The following FGGY variants were observed in gnomAD, a reference collection of about 807,000 sequenced individuals.
FGGY encodes the protein FGGY carbohydrate kinase domain containing.
Under a neutral mutation model 71.3 loss-of-function variants are expected in FGGY, and 72 were observed. The observed-to-expected ratio is 1.01, with a 90% CI of 0.84 to 1.23. The LOEUF is 1.23. Among genes scored for constraint, FGGY ranks in the 50% most tolerant of loss-of-function variants. FGGY has a pLI of 0.00. For missense variants in FGGY, 668 were observed against 682.3 expected, an observed-to-expected ratio of 0.98 and a Z score of 0.23; for synonymous variants, 251 against 250.3, an observed-to-expected ratio of 1.00 and a Z score of -0.02.
intron 14 of FGGY, among the ~76,000 whole-genome samples, chr1:59,684,725 G>A (rs562641150): frequency 3.5e-4 from 54 of 152,290 alleles, no homozygotes; most frequent in African/African-American, 1.3e-3. Context: ...GCAGAAAGTA[G>A]CCCTCTAAGT....
intron 7 of FGGY, among the ~76,000 whole-genome samples, chr1:59,523,003 C>G (rs1384291452): frequency 2.6e-5 from 4 of 152,202 alleles, no homozygotes; most frequent in Non-Finnish European, 2.9e-5. Context: ...GAAGGTTTCA[C>G]TTATTCTCTC....
intron 5 of FGGY, among the ~76,000 whole-genome samples, chr1:59,424,169 A>G (rs946857514): frequency 2.6e-5 from 4 of 152,262 alleles, no homozygotes; most frequent in Non-Finnish European, 5.9e-5. Context: ...CTTCAGTACC[A>G]TTCTAAATAC....
At chr1:59,504,163 C>G (rs190131647) in intron 6 of FGGY, among the ~76,000 whole-genome samples, 1 of 152,170 alleles carries the variant, frequency 6.6e-6, no homozygotes, top group East Asian at 1.9e-4. Context: ...ATGGATGTTC[C>G]TGGAGGGTGG....
At chr1:59,557,514 G>A (rs1320043063) in intron 8 of FGGY, among the ~76,000 whole-genome samples, 2 of 152,178 alleles carry the variant, frequency 1.3e-5, no homozygotes, top group Non-Finnish European at 2.9e-5. Flanking sequence ...AAAGCCTGAG[G>A]TTGAACATAA....
At chr1:59,740,050 A>G (rs2098135129) in intron 14 of FGGY, among the ~76,000 whole-genome samples, 1 of 152,080 alleles carries the variant, frequency 6.6e-6, no homozygotes, top group African/African-American at 2.4e-5. Context: ...TTTCCCTACA[A>G]TTTTGTGCAT....
intron 7 of FGGY, among the ~76,000 whole-genome samples, chr1:59,515,501 T>C (rs977442154): frequency 3.3e-5 from 5 of 152,022 alleles, no homozygotes; most frequent in Admixed American, 6.6e-5. Flanking sequence ...GGACCTGAGA[T>C]TGGGAGGGGC....
At chr1:59,747,740 C>T (rs1324779113) in intron 14 of FGGY, among the ~76,000 whole-genome samples, 1 of 152,180 alleles carries the variant, frequency 6.6e-6, no homozygotes, top group African/African-American at 2.4e-5. Flanking sequence ...GTGAATCCAC[C>T]TTCCTGCCTT....
chr1:59,321,082 G>A (rs141634986), intron 1 of FGGY, among the ~76,000 whole-genome samples: 10 of 152,306 alleles, frequency 6.6e-5, no homozygotes, highest in African/African-American at 2.2e-4. Flanking sequence ...CAGTGCTTGC[G>A]TGTAAGAGGT....
intron 2 of FGGY, among the ~76,000 whole-genome samples, chr1:59,326,256 G>A (rs2047411388): frequency 6.6e-6 from 1 of 152,152 alleles, no homozygotes; most frequent in Non-Finnish European, 1.5e-5. Flanking sequence ...TGCTTTTAAA[G>A]ATGAAACAGC....
chr1:59,572,957 C>G (rs1032275622), intron 8 of FGGY, among the ~76,000 whole-genome samples: 49 of 152,158 alleles, frequency 3.2e-4, no homozygotes, highest in African/African-American at 1.2e-3. Context: ...TATGAAAGGT[C>G]TTCTCAAGAA....
intron 7 of FGGY, among the ~76,000 whole-genome samples, chr1:59,546,775 G>A (rs867658356): frequency 1.4e-4 from 21 of 151,820 alleles, no homozygotes; most frequent in Non-Finnish European, 2.5e-4. Context: ...TCGATCTCCT[G>A]ACCTCGTGAT....
chr1:59,533,460 G>A (rs1404783211), intron 7 of FGGY, among the ~76,000 whole-genome samples: 3 of 152,246 alleles, frequency 2.0e-5, no homozygotes, highest in Non-Finnish European at 2.9e-5. Context: ...GCTTAGGTAA[G>A]CAAAGCAGCC....
chr1:59,371,239 AAGGC>A (rs2057572612), intron 4 of FGGY, among the ~76,000 whole-genome samples: 1 of 152,092 alleles, frequency 6.6e-6, no homozygotes, highest in Non-Finnish European at 1.5e-5. Flanking sequence ...AAAACAAAAA[AAGGC>A]AGGGGTTGCA....
At chr1:59,428,625 C>G (rs1456637530) in intron 5 of FGGY, among the ~76,000 whole-genome samples, 1 of 152,180 alleles carries the variant, frequency 6.6e-6, no homozygotes, top group African/African-American at 2.4e-5. Flanking sequence ...CTGTCAGTCT[C>G]AGTTATCTTA....
rs189998405 is a variant in FGGY, at chr1:59,583,882, A to G, written c.904-23921A>G. 1.6e-3 allele frequency among the ~76,000 whole-genome samples: 218 copies of G among 132,760 alleles called. 42 individuals are homozygous for G. The highest frequency in any genetic ancestry group is 6.3e-3 in the African/African-American group (211 of 33,670). The allele number at this position is 132,760 out of a possible 152,430, so 87.1% of individuals were successfully genotyped here. ...TTGAATGAGAGAGAGATGACCGTGC[A>G]GGGTGGAAGCAGGTCTGATGCAGCT... On this transcript the variant is annotated intron_variant, in intron 8 of 15. Coordinates refer to ENST00000303721, the MANE Select transcript of FGGY (RefSeq NM_018291.5).
intron 14 of FGGY, among the ~76,000 whole-genome samples, chr1:59,730,663 A>G (rs771044145): frequency 1.3e-4 from 20 of 152,204 alleles, no homozygotes; most frequent in Non-Finnish European, 2.4e-4. Context: ...ACATACAACT[A>G]AAATAACAAT....
intron 6 of FGGY, among the ~76,000 whole-genome samples, chr1:59,467,532 C>T (rs1572529429): frequency 6.6e-6 from 1 of 151,628 alleles, no homozygotes; most frequent in Non-Finnish European, 1.5e-5. Context: ...ATACTTTTCC[C>T]TTCTTAAATT....
chr1:59,726,229 T>C (rs2097946353), intron 14 of FGGY, among the ~76,000 whole-genome samples: 1 of 152,172 alleles, frequency 6.6e-6, no homozygotes, highest in Admixed American at 6.5e-5. Flanking sequence ...ATGGATTACA[T>C]TGACTGATTT....
chr1:59,344,647 TGATGTAAAATGGC>T, intron 3 of FGGY, among the ~76,000 whole-genome samples: 1 of 152,288 alleles, frequency 6.6e-6, no homozygotes, highest in East Asian at 1.9e-4. Flanking sequence ...CTCAAGTCCC[TGATGTAAAATGGC>T]ATCGTATTTG....
Sources: allele counts gnomAD v4.1 joint callset (sites outside exome capture counted in the v4.1 genomes callset), GRCh38; gene constraint gnomAD v4.1.1; transcripts MANE v1.5; gene names NCBI Gene and HGNC (gene_info 2026-07-23, HGNC 2026-07-21).